PABPN1L: variants seen among roughly 807,000 people sequenced by gnomAD.
PABPN1L encodes PABPN1 like, cytoplasmic, also known as embryonic polyadenylate-binding protein 2.
Under a neutral mutation model 34.0 loss-of-function variants are expected in PABPN1L, and 45 were observed. That is an observed-to-expected ratio of 1.32 (90% CI 1.04 to 1.70). The LOEUF (loss-of-function observed/expected upper bound fraction) is 1.70, where lower values mean the gene tolerates loss of function less well. PABPN1L is among the 40% of genes most tolerant of loss of function. PABPN1L has a pLI of 0.00. For synonymous variants in PABPN1L, 182 were observed against 152.1 expected, an observed-to-expected ratio of 1.20 and a Z score of -1.45; for missense variants, 459 against 367.8, an observed-to-expected ratio of 1.25 and a Z score of -2.03.
In PABPN1L at chr16:88,864,232, C is replaced by T. The variant is rs1462482842; in HGVS notation, c.797+5G>A. The T allele has an allele frequency of 3.3e-6, 5 of 1,528,074 alleles. No homozygotes were observed. In the South Asian group the frequency reaches 6.0e-5, roughly 18 times the overall value. 94.7% of individuals were successfully genotyped at this position (1,528,074 alleles called of 1,614,324 possible). On this transcript the variant is annotated splice_donor_5th_base_variant and intron_variant, in intron 6 of 6. Transcript: ENST00000419291. ...CCCAGGCTGCCCCCACAGGCACCCA[C>T]TCACCGGTTCTGCCCTTGTGGTCTG...
In PABPN1L at chr16:88,863,862, G is replaced by T. The variant is rs561583511; in HGVS notation, c.798-67C>A. The T allele has an allele frequency of 4.1e-6, 6 of 1,452,264 alleles. No individual in the cohort carries two copies. In the African/African-American group the frequency reaches 7.0e-5, roughly 17 times the overall value. 90.0% of individuals were successfully genotyped at this position (1,452,264 alleles called of 1,614,324 possible). On this transcript the variant is annotated intron_variant, in intron 6 of 6. Transcript: ENST00000419291. Reference sequence around the variant, plus strand: ...AGAAGGGGTGGTGGCCCAGGGCCCCGGGGGACAACAGGATAAGGATGCAGG... The same window carrying T: ...AGAAGGGGTGGTGGCCCAGGGCCCCTGGGGACAACAGGATAAGGATGCAGG...
chr16:88,863,447 G>C (rs956280257), exon 7 of PABPN1L: 47 of 521,144 alleles, frequency 9.0e-5, no homozygotes, highest in Non-Finnish European at 1.5e-4. Context: ...CCCCAAGCTG[G>C]CCTGGCACTG....
intron 5 of PABPN1L, 81 bp from the exon 6 acceptor site, chr16:88,864,460 G>A (rs760344388): frequency 7.3e-4 from 1,072 of 1,467,386 alleles, no homozygotes; most frequent in Non-Finnish European, 7.7e-4. Context: ...CCACCACCCC[G>A]GAGCATGGGG....
chr16:88,868,225 A>T (rs1968638436), upstream of PABPN1L, among the ~76,000 whole-genome samples: 1 of 152,190 alleles, frequency 6.6e-6, no homozygotes, highest in Non-Finnish European at 1.5e-5. Flanking sequence ...ATCAGTTTAG[A>T]GGTGTATCTT....
At chr16:88,864,165 G>A (rs779225120) in intron 6 of PABPN1L, 72 bp downstream of exon 6, 239 of 1,483,290 alleles carry the variant, frequency 1.6e-4, no homozygotes, top group Non-Finnish European at 2.0e-4. Context: ...CGAGCTCAGG[G>A]ACCCCCTCCT....
At chr16:88,865,202 G>A in intron 3 of PABPN1L, 74 bp from the exon 4 acceptor site, 1 of 1,464,266 alleles carries the variant, frequency 6.8e-7, no homozygotes. Context: ...TAGAGGTGAG[G>A]AAAGAAACCC....
At chr16:88,865,510 G>A in intron 3 of PABPN1L, 53 bp downstream of exon 3, 6 of 1,578,956 alleles carry the variant, frequency 3.8e-6, no homozygotes, top group Non-Finnish European at 4.3e-6. Flanking sequence ...AGACCCTCTG[G>A]TAGAGATGGG....
chr16:88,866,523 C>T (rs34419006), exon 1 of PABPN1L: 2 of 1,551,070 alleles, frequency 1.3e-6, no homozygotes, highest in Non-Finnish European at 1.7e-6. Flanking sequence ...CCCCCCAGCC[C>T]TGGGCCTCAG....
upstream of PABPN1L, among the ~76,000 whole-genome samples, chr16:88,868,682 A>G (rs924679830): frequency 3.9e-5 from 6 of 152,020 alleles, no homozygotes; most frequent in Admixed American, 3.9e-4. Flanking sequence ...GGAGGGGAAC[A>G]CAGGAAGGAA....
At chr16:88,864,929 A>T in exon 5 of PABPN1L, 2 of 1,125,242 alleles carry the variant, frequency 1.8e-6, no homozygotes, top group Non-Finnish European at 2.5e-6. Flanking sequence ...GGCAAACTCT[A>T]TGTAGGCATA....
At chr16:88,864,983 GT>G (rs1258313458) in intron 4 of PABPN1L, 38 bp downstream of exon 4, 2 of 1,600,208 alleles carry the variant, frequency 1.2e-6, no homozygotes, top group Non-Finnish European at 1.7e-6. Flanking sequence ...GCTGGGCCCT[GT>G]CCGCATGGCC....
In PABPN1L at chr16:88,864,731, C is replaced by G. The variant is rs1023167690; in HGVS notation, c.654+122G>C. On this transcript the variant is annotated intron_variant, in intron 5 of 6. Transcript: ENST00000419291. ...CCCGCCACATCCTGTCCAGGCCCAG[C>G]CAAGCACCGTGCCTGAGACACGCTG... is the stretch of plus-strand genomic sequence containing the variant. 24 of 1,151,134 alleles carry G rather than the reference C, an allele frequency of 2.1e-5. 1 individual carries two copies. The highest frequency in any genetic ancestry group is 5.6e-4 in the Middle Eastern group (2 of 3,560). The allele number at this position is 1,151,134 out of a possible 1,614,324, so 71.3% of individuals were successfully genotyped here.
In PABPN1L at chr16:88,864,922, A is replaced by G. The variant is rs544222163; in HGVS notation, c.585T>C (p.Phe195=). ...CGGCCTGCACGGAGCCCTTGGTGGC[A>G]AACTCTATGTAGGCATAACTGAGGG... The change falls in exon 5 of 7, where the codon TTT becomes TTC. Residue 195 remains phenylalanine, a synonymous_variant. Coordinates refer to ENST00000419291, the Ensembl canonical transcript of PABPN1L. 5.2e-5 allele frequency: 82 copies of G among 1,562,782 alleles called. No homozygotes were observed. The South Asian group carries it at 8.8e-4, about 17-fold the overall frequency.
At chr16:88,866,956 G>A (rs1325614464), upstream of PABPN1L, among the ~76,000 whole-genome samples, 7 of 152,246 alleles carry the variant, frequency 4.6e-5, no homozygotes, top group Non-Finnish European at 8.8e-5. Context: ...CGGCACGAAC[G>A]CCACACTGCA....
At chr16:88,864,129 G>C in intron 6 of PABPN1L, 108 bp downstream of exon 6, 1 of 1,383,364 alleles carries the variant, frequency 7.2e-7, no homozygotes, top group South Asian at 1.5e-5. Flanking sequence ...GCCCCGCCAG[G>C]TACATTCCTG....
At chr16:88,865,324 G>T (rs868539549) in intron 3 of PABPN1L, among the ~76,000 whole-genome samples, 196 bp from the exon 4 acceptor site, 3 of 150,824 alleles carry the variant, frequency 2.0e-5, no homozygotes, top group African/African-American at 7.3e-5. Context: ...CTTCTGGAGA[G>T]CTGGAGCCTT....
upstream of PABPN1L, among the ~76,000 whole-genome samples, chr16:88,869,365 C>G (rs1968657053): frequency 6.6e-6 from 1 of 152,246 alleles, no homozygotes; most frequent in Non-Finnish European, 1.5e-5. Context: ...TGCGTGGTCC[C>G]TGGACGCTGT....
chr16:88,864,409 T>A, intron 5 of PABPN1L, 30 bp from the exon 6 acceptor site: 1 of 1,546,066 alleles, frequency 6.5e-7, no homozygotes, highest in Non-Finnish European at 8.7e-7. Flanking sequence ...TGAGTCCTCC[T>A]CAAGGAGCAG....
intron 6 of PABPN1L, 84 bp from the exon 7 acceptor site, chr16:88,863,879 G>T: frequency 7.3e-7 from 1 of 1,362,746 alleles, no homozygotes; most frequent in South Asian, 1.3e-5. Flanking sequence ...AACAGGATAA[G>T]GATGCAGGGA....
Sources: gnomAD v4.1 joint callset for allele counts (sites outside exome capture counted in the v4.1 genomes callset) on GRCh38, gnomAD v4.1.1 for gene constraint, MANE v1.5 for transcripts, NCBI Gene and HGNC (gene_info 2026-07-23, HGNC 2026-07-21) for gene names.